Variants in ZNF180 observed in about 807,000 individuals in gnomAD.
ZNF180 encodes the protein zinc finger protein 180 (HHZ168).
ZNF180 carries 11 observed loss-of-function variants against 11.8 expected under a neutral mutation model. The observed-to-expected ratio is 0.93, with a 90% CI of 0.59 to 1.55. The LOEUF (loss-of-function observed/expected upper bound fraction) is 1.55. Among genes scored for constraint, ZNF180 ranks in the 40% most tolerant of loss-of-function variants. The pLI is 0.00. For missense variants in ZNF180, 773 were observed against 781.7 expected (o/e 0.99, Z 0.13); for synonymous variants, 287 against 257.7 (o/e 1.11, Z -1.09).
chr19:44,491,627 G>A (rs76373523), intron 2 of ZNF180, among the ~76,000 whole-genome samples: 8,219 of 152,238 alleles, frequency 0.054, 529 homozygotes, highest in East Asian at 0.34. Context: ...CTGGAGTGCA[G>A]TGGCACCATC....
intron 3 of ZNF180, among the ~76,000 whole-genome samples, chr19:44,480,047 G>T (rs1970038297): frequency 6.6e-6 from 1 of 152,152 alleles, no homozygotes; most frequent in Admixed American, 6.5e-5. Context: ...ACAAAGACTT[G>T]GCTTTCTCAC....
intron 2 of ZNF180, chr19:44,496,489 C>CA (rs1402691074): frequency 5.3e-5 from 8 of 151,186 alleles, no homozygotes; most frequent in Non-Finnish European, 1.2e-4. Flanking sequence ...ATCGTTTCTA[C>CA]AAAAAATTTT....
At position 44,479,273 on chromosome 19, in the gene ZNF180, G is replaced by A; in HGVS notation, c.253+10C>T. On this transcript the variant is annotated intron_variant, in intron 4 of 4. Transcript: ENST00000592529. ...AGATGGATCTTCATTAAAGAGGAGT[G>A]TATTCTTACCCCAAGAGACTAGGTC... 1 of 1,611,488 alleles carries A rather than the reference G, an allele frequency of 6.2e-7. No homozygotes were observed. Among genetic ancestry groups the A allele is most frequent in the Non-Finnish European group, 8.5e-7 (1 of 1,179,124 alleles).
rs1947558051 is a variant in ZNF180 at position 44,474,585 on chromosome 19, A to AT, written c.*1816dup. ...TGAGATAAGTAAGATATCAGTTAAA[A>AT]TTTTCATTTCAGCATCTGTTTTTCT... On this transcript the variant is annotated 3_prime_UTR_variant, in exon 5 of 5. Transcript: ENST00000592529. 6.6e-6 allele frequency: 1 copy of AT among 152,116 alleles called. No individual in the cohort carries two copies. The highest frequency in any genetic ancestry group is 2.4e-5 in the African/African-American group (1 of 41,398). The allele number at this position is 152,116 out of a possible 1,614,324, so 9.4% of individuals were successfully genotyped here.
intron 2 of ZNF180, among the ~76,000 whole-genome samples, chr19:44,491,839 A>G (rs905737799): frequency 2.6e-5 from 4 of 152,200 alleles, no homozygotes; most frequent in Admixed American, 2.6e-4. Flanking sequence ...TGGTCCCCCA[A>G]AGTGCTGGGA....
chr19:44,500,000 C>T (rs1042138681), intron 1 of ZNF180, among the ~76,000 whole-genome samples: 1 of 152,200 alleles, frequency 6.6e-6, no homozygotes, highest in Non-Finnish European at 1.5e-5. Context: ...TGTCCCCTTA[C>T]ATCAATGCAT....
Position 44,474,500 on chromosome 19 carries a change from A to G in ZNF180, c.*1902T>C, listed in dbSNP as rs943586795. The G allele has an allele frequency of 3.9e-5, 6 of 152,194 alleles. No homozygotes were observed. Among genetic ancestry groups the G allele is most frequent in the Non-Finnish European group, 7.3e-5 (5 of 68,032 alleles). 9.4% of individuals were successfully genotyped at this position (152,194 alleles called of 1,614,324 possible). The stretch of plus-strand genomic sequence containing the variant: ...TCATAGCTCATATATAACACTCAAA[A>G]CATCATTAAACCATCTAATCTAATA... On this transcript the variant is annotated 3_prime_UTR_variant, in exon 5 of 5. Coordinates refer to ENST00000592529, the MANE Select transcript of ZNF180 (RefSeq NM_001278509.3).
At position 44,477,251 on chromosome 19, in the gene ZNF180, C is replaced by A; in HGVS notation, c.1149G>T (p.Arg383Ser). The change falls in exon 5 of 5, where the codon AGG becomes AGT. Residue 383 changes from arginine to serine, a missense_variant. Physicochemically the swap from Arg to Ser is moderately radical, Grantham distance 110. Coordinates refer to ENST00000592529, the MANE Select transcript of ZNF180 (RefSeq NM_001278509.3). ...TAAAGGATTTCCCACATTGATTACA[C>A]CTGTAAGGTTTCTCTCCAGTATGAG... is the stretch of plus-strand genomic sequence containing the variant. ...QRTHTGEKPY[R>S]CNQCGKSFSQ... is the part of the protein sequence containing the mutation. 1 of 1,613,742 alleles carries A rather than the reference C, an allele frequency of 6.2e-7. No individual in the cohort carries two copies. The highest frequency in any genetic ancestry group is 8.5e-7 in the Non-Finnish European group (1 of 1,179,890).
intron 2 of ZNF180, 79 bp from the exon 3 acceptor site, chr19:44,484,514 G>T: frequency 1.0e-6 from 1 of 989,026 alleles, no homozygotes; most frequent in Non-Finnish European, 1.6e-6. Flanking sequence ...CGGTCAGTGG[G>T]CTAAGATTTG....
At chr19:44,484,509 A>G in intron 2 of ZNF180, 74 bp from the exon 3 acceptor site, 1 of 1,032,468 alleles carries the variant, frequency 9.7e-7, no homozygotes. Flanking sequence ...TCCTCCGGTC[A>G]GTGGGCTAAG....
rs903373006 is a variant in ZNF180 at position 44,500,390 on chromosome 19, C to A, written c.-159G>T. 3 of 911,010 alleles carry A rather than the reference C, an allele frequency of 3.3e-6. No homozygotes were observed. The highest frequency in any genetic ancestry group is 1.5e-5 in the South Asian group (1 of 68,314). The allele number at this position is 911,010 out of a possible 1,614,324, so 56.4% of individuals were successfully genotyped here. On this transcript the variant is annotated 5_prime_UTR_variant, in exon 1 of 5. Transcript: ENST00000592529. ...AACCCCCTGCCCCGATTCTGCAACA[C>A]GGCCGACTCGGGTTAAGCTAGTTCG...
In ZNF180 at chr19:44,476,357, T is replaced by C; in HGVS notation, c.*45A>G. 1 of 1,501,928 alleles carries C rather than the reference T, an allele frequency of 6.7e-7. No homozygotes were observed. Among genetic ancestry groups the C allele is most frequent in the Non-Finnish European group, 8.9e-7 (1 of 1,124,922 alleles). 93.0% of individuals were successfully genotyped at this position (1,501,928 alleles called of 1,614,324 possible). On this transcript the variant is annotated 3_prime_UTR_variant, in exon 5 of 5. Coordinates refer to ENST00000592529, the MANE Select transcript of ZNF180 (RefSeq NM_001278509.3). Reference sequence around the variant, plus strand: ...ATGTACTACCTTAAAATAAATTTTTTAAAAGAATGAAATAAAAAGGAAGAA... The same window carrying C: ...ATGTACTACCTTAAAATAAATTTTTCAAAAGAATGAAATAAAAAGGAAGAA...
At chr19:44,491,372 G>C (rs1970447085) in intron 2 of ZNF180, among the ~76,000 whole-genome samples, 1 of 152,214 alleles carries the variant, frequency 6.6e-6, no homozygotes, top group Non-Finnish European at 1.5e-5. Context: ...GCCCGTGCAT[G>C]CATGCACACC....
intron 2 of ZNF180, among the ~76,000 whole-genome samples, chr19:44,492,489 G>A (rs1000331205): frequency 2.6e-5 from 4 of 152,160 alleles, no homozygotes; most frequent in African/African-American, 9.7e-5. Context: ...CTTGCACAGA[G>A]AAAAGGGTTG....
chr19:44,498,818 G>A (rs1970658079), intron 1 of ZNF180, among the ~76,000 whole-genome samples: 2 of 152,010 alleles, frequency 1.3e-5, no homozygotes, highest in Non-Finnish European at 2.9e-5. Flanking sequence ...GAGCAGCCCC[G>A]TGCCTCCTAA....
chr19:44,488,687 C>G (rs1472220896), intron 2 of ZNF180, among the ~76,000 whole-genome samples: 1 of 151,992 alleles, frequency 6.6e-6, no homozygotes, highest in South Asian at 2.1e-4. Context: ...AGCTGCCACC[C>G]CGTCTGGGAA....
chr19:44,485,985 G>A (rs911492200), intron 2 of ZNF180, among the ~76,000 whole-genome samples: 1 of 152,122 alleles, frequency 6.6e-6, no homozygotes, highest in Non-Finnish European at 1.5e-5. Context: ...ACATCAGGAT[G>A]CATATACAAG....
At chr19:44,498,388 G>A (rs182440688) in intron 1 of ZNF180, among the ~76,000 whole-genome samples, 6 of 152,046 alleles carry the variant, frequency 3.9e-5, no homozygotes, top group African/African-American at 1.2e-4. Context: ...ATATTCTCAC[G>A]CAGCATAGCG....
At chr19:44,492,617 A>ACAGTGGTCAAATC (rs1970477869) in intron 2 of ZNF180, among the ~76,000 whole-genome samples, 1 of 152,052 alleles carries the variant, frequency 6.6e-6, no homozygotes, top group Non-Finnish European at 1.5e-5. Context: ...TCATAGTAAG[A>ACAGTGGTCAAATC]CAGTGGTCAA....
Sources: allele counts gnomAD v4.1 joint callset (sites outside exome capture counted in the v4.1 genomes callset), GRCh38; gene constraint gnomAD v4.1.1; transcripts MANE v1.5; gene names NCBI Gene and HGNC (gene_info 2026-07-23, HGNC 2026-07-21).